ATXN3: variants seen among roughly 807,000 people sequenced by gnomAD.
ATXN3 encodes the protein ataxin-3.
ATXN3 carries 28 observed loss-of-function variants against 58.2 expected under a neutral mutation model. That is an observed-to-expected ratio of 0.48 (90% confidence interval 0.36 to 0.66). The LOEUF is 0.66. ATXN3 is among the 30% of genes least tolerant of loss of function. The pLI, the probability that ATXN3 is intolerant of heterozygous loss-of-function variation, is 0.00. For missense variants in ATXN3, 321 were observed against 422.1 expected (o/e 0.76, Z 2.10); for synonymous variants, 113 against 138.5 (o/e 0.82, Z 1.29).
chr14:92,079,426 G>A (rs2061040281), intron 9 of ATXN3: 2 of 980,596 alleles, frequency 2.0e-6, no homozygotes, highest in Non-Finnish European at 2.4e-6. Flanking sequence ...TTAAGAGGAT[G>A]TCAGCTGATC....
chr14:92,103,215 C>T (rs2067274678), intron 1 of ATXN3, among the ~76,000 whole-genome samples: 1 of 151,716 alleles, frequency 6.6e-6, no homozygotes, highest in Non-Finnish European at 1.5e-5. Flanking sequence ...TAGGGGTTGG[C>T]AAACTCTAGC....
At chr14:92,104,691 C>T (rs907830188) in intron 1 of ATXN3, among the ~76,000 whole-genome samples, 6 of 151,642 alleles carry the variant, frequency 4.0e-5, no homozygotes, top group Non-Finnish European at 5.9e-5. Flanking sequence ...TTTGGGAGGC[C>T]GAGGCGGGCG....
chr14:92,093,589 A>T, intron 4 of ATXN3, 157 bp downstream of exon 4: 1 of 684,588 alleles, frequency 1.5e-6, no homozygotes, highest in Non-Finnish European at 2.5e-6. Context: ...GCAGATGCTC[A>T]TGGACATCAC....
intron 2 of ATXN3, 46 bp from the exon 3 acceptor site, chr14:92,096,183 A>G (rs755755006): frequency 1.9e-5 from 31 of 1,611,734 alleles, no homozygotes; most frequent in Non-Finnish European, 2.5e-5. Flanking sequence ...GGGTGGGGAA[A>G]GAAGGATACA....
chr14:92,078,177 G>A (rs886664558), intron 9 of ATXN3, among the ~76,000 whole-genome samples: 4 of 151,906 alleles, frequency 2.6e-5, no homozygotes, highest in Admixed American at 2.0e-4. Context: ...GTTTCGCCAT[G>A]TTGGCCAGGC....
chr14:92,054,040 T>G (rs564661962), downstream of ATXN3, among the ~76,000 whole-genome samples: 1 of 152,090 alleles, frequency 6.6e-6, no homozygotes, highest in East Asian at 1.9e-4. Context: ...ATCCAAGTGA[T>G]TCTCCTGCAT....
chr14:92,057,338 C>T (rs1016721334), downstream of ATXN3, among the ~76,000 whole-genome samples: 3 of 151,176 alleles, frequency 2.0e-5, no homozygotes, highest in South Asian at 2.1e-4. Context: ...ATTGCTTGAA[C>T]GCGGGAGGCA....
intron 6 of ATXN3, 168 bp from the exon 7 acceptor site, chr14:92,083,426 C>T (rs1470271507): frequency 5.3e-6 from 4 of 759,186 alleles, no homozygotes; most frequent in Admixed American, 2.5e-5. Context: ...CTAGTAAAGT[C>T]GTCTAAGGTA....
intron 2 of ATXN3, 160 bp from the exon 3 acceptor site, chr14:92,096,297 G>A (rs1160962870): frequency 6.7e-7 from 1 of 1,502,610 alleles, no homozygotes; most frequent in Admixed American, 2.3e-5. Context: ...TAGGAAGAAT[G>A]GCCCATCCTT....
At chr14:92,105,020 C>A (rs1053113536) in intron 1 of ATXN3, among the ~76,000 whole-genome samples, 1 of 152,028 alleles carries the variant, frequency 6.6e-6, no homozygotes, top group Admixed American at 6.6e-5. Flanking sequence ...TCATGTCAAT[C>A]AAGTCAAAAA....
chr14:92,106,305 A>G (rs2068359344), intron 1 of ATXN3, among the ~76,000 whole-genome samples: 1 of 148,508 alleles, frequency 6.7e-6, no homozygotes, highest in African/African-American at 2.5e-5. Context: ...CCCCGCCCAT[A>G]CTCCCTCCCG....
chr14:92,052,428 C>T (rs375312459), upstream of ATXN3, among the ~76,000 whole-genome samples: 57 of 151,784 alleles, frequency 3.8e-4, no homozygotes, highest in African/African-American at 1.2e-3. Context: ...GCGGAGGTTG[C>T]GGTGAGCTGG....
intron 8 of ATXN3, 52 bp from the exon 9 acceptor site, chr14:92,081,113 A>G (rs111459590): frequency 8.1e-7 from 1 of 1,236,548 alleles, no homozygotes; most frequent in Non-Finnish European, 1.2e-6. Context: ...TTACCAATTC[A>G]AGCAACAATA....
chr14:92,089,791 AT>A (rs1423330598), intron 5 of ATXN3, among the ~76,000 whole-genome samples: 1 of 152,220 alleles, frequency 6.6e-6, no homozygotes, highest in East Asian at 1.9e-4. Flanking sequence ...CATAACTCCA[AT>A]CATATCTATC....
At position 92,060,063 on chromosome 14, in the gene ATXN3, A is replaced by C. The variant is rs2057650745; in HGVS notation, c.*4257T>G. On this transcript the variant is annotated 3_prime_UTR_variant, in exon 11 of 11. Transcript: ENST00000644486. ...GGTGCCCGCCACCATACCTGGCTTA[A>C]GTTTTGTATTTTTAGTAGAGATGGG... 1 of 149,788 alleles carries C rather than the reference A, an allele frequency of 6.7e-6. No homozygotes were observed. Among genetic ancestry groups the C allele is most frequent in the African/African-American group, 2.4e-5 (1 of 41,012 alleles). The allele number at this position is 149,788 out of a possible 1,614,324, so 9.3% of individuals were successfully genotyped here. A position where few individuals can be genotyped will look rare whatever the true frequency, so the allele number is the denominator to read the frequency against.
At chr14:92,055,562 A>C (rs1388997684), downstream of ATXN3, among the ~76,000 whole-genome samples, 1 of 152,146 alleles carries the variant, frequency 6.6e-6, no homozygotes, top group Admixed American at 6.5e-5. This position sits in a 1 kb window ranked among gnomAD's most constrained non-coding sequence, Gnocchi z 4.5. Flanking sequence ...TTCTGTCTCT[A>C]TGAGTTTGAC....
rs1369356860 is a variant in ATXN3 at position 92,061,683 on chromosome 14, T to C, written c.*2637A>G. 6.6e-6 allele frequency: 1 copy of C among 152,262 alleles called. No individual in the cohort carries two copies. The highest frequency in any genetic ancestry group is 2.4e-5 in the African/African-American group (1 of 41,468). The allele number at this position is 152,262 out of a possible 1,614,324, so 9.4% of individuals were successfully genotyped here. ...GTGAATTTAGTTGTTCCTGACTTTC[T>C]TGCAGGTGGTTTACAGTAAATGGCA... is the stretch of plus-strand genomic sequence containing the variant. On this transcript the variant is annotated 3_prime_UTR_variant, in exon 11 of 11. Coordinates refer to ENST00000644486, the MANE Select transcript of ATXN3 (RefSeq NM_004993.6).
intron 5 of ATXN3, among the ~76,000 whole-genome samples, chr14:92,091,069 A>C (rs1163037027): frequency 1.3e-5 from 2 of 150,764 alleles, no homozygotes. Context: ...ACAGGCGTGA[A>C]CCACTGCACC....
chr14:92,093,061 ATTTTTAT>A (rs1420128689), intron 5 of ATXN3, among the ~76,000 whole-genome samples, 184 bp downstream of exon 5: 5 of 131,046 alleles, frequency 3.8e-5, no homozygotes, highest in South Asian at 2.5e-4. Context: ...TTTTATTTTT[ATTTTTAT>A]TTTTTTTTTA....
Sources: allele counts gnomAD v4.1 joint callset (sites outside exome capture counted in the v4.1 genomes callset), GRCh38; gene constraint gnomAD v4.1.1; non-coding constraint Gnocchi (gnomAD v3.1); transcripts MANE v1.5; gene names NCBI Gene and HGNC (gene_info 2026-07-23, HGNC 2026-07-21).